PHF20: variants seen among roughly 807,000 people sequenced by gnomAD.
PHF20 encodes glioma-expressed antigen 2.
Under a neutral mutation model 113.5 loss-of-function variants are expected in PHF20, and 23 were observed. The ratio of observed to expected loss-of-function variants is 0.20; its 90% CI spans 0.15 to 0.29. The LOEUF (loss-of-function observed/expected upper bound fraction) is 0.29, where lower values mean the gene tolerates loss of function less well. Ranked by LOEUF, PHF20 falls within the 10% of genes least tolerant of loss-of-function variation. The pLI, the probability that PHF20 is intolerant of heterozygous loss-of-function variation, is 1.00. For synonymous variants in PHF20, 434 were observed against 457.3 expected, an observed-to-expected ratio of 0.95 and a Z score of 0.65; for missense variants, 943 against 1,219.6, an observed-to-expected ratio of 0.77 and a Z score of 3.38.
chr20:35,816,933 G>A (rs2042086415), intron 2 of PHF20, among the ~76,000 whole-genome samples: 1 of 151,512 alleles, frequency 6.6e-6, no homozygotes, highest in Admixed American at 6.6e-5. Context: ...TGGGATTACA[G>A]GCGTGCACCA....
intron 2 of PHF20, among the ~76,000 whole-genome samples, chr20:35,825,001 G>T (rs2042237043): frequency 6.6e-6 from 1 of 152,122 alleles, no homozygotes; most frequent in African/African-American, 2.4e-5. Flanking sequence ...GGTATTTACA[G>T]TGTTTCTTCT....
chr20:35,791,147 G>A (rs113012653), intron 1 of PHF20, among the ~76,000 whole-genome samples: 1,951 of 152,228 alleles, frequency 0.013, 28 homozygotes, highest in African/African-American at 0.044. Flanking sequence ...GTGAGCCACC[G>A]CGTCCGGCCT....
Position 35,887,019 on chromosome 20 carries a change from A to G in PHF20, c.1283-12351A>G, listed in dbSNP as rs150017355. On this transcript the variant is annotated intron_variant, in intron 9 of 17. Transcript: ENST00000374012. ...ATTGCCAGCCAGACGGAATATCACC[A>G]TCATCATAATCTAATCATAGTCATC... 4.2e-3 allele frequency among the ~76,000 whole-genome samples: 634 copies of G among 152,328 alleles called. 17 individuals are homozygous for G. In the South Asian group the frequency reaches 0.074, roughly 18 times the overall value.
chr20:35,931,568 TA>T (rs1449129728), intron 15 of PHF20, 124 bp downstream of exon 15: 1 of 634,522 alleles, frequency 1.6e-6, no homozygotes, highest in African/African-American at 1.8e-5. Context: ...AGACCTTTAC[TA>T]AAAATTATCA....
intron 9 of PHF20, among the ~76,000 whole-genome samples, chr20:35,885,164 A>G (rs1391445754): frequency 6.6e-6 from 1 of 152,058 alleles, no homozygotes; most frequent in Non-Finnish European, 1.5e-5. Context: ...TAGTTTTTGA[A>G]TTGTTTGAAA....
intron 13 of PHF20, among the ~76,000 whole-genome samples, chr20:35,920,222 T>C (rs2055486359): frequency 1.3e-5 from 2 of 152,252 alleles, no homozygotes; most frequent in African/African-American, 4.8e-5. Flanking sequence ...AATCACGTGG[T>C]ATGTATCTTT....
chr20:35,816,495 G>T (rs1397403830), intron 2 of PHF20, among the ~76,000 whole-genome samples: 3 of 150,316 alleles, frequency 2.0e-5, no homozygotes, highest in South Asian at 4.2e-4. Flanking sequence ...TGTCATCCAG[G>T]CTGGAGTGCA....
Position 35,931,309 on chromosome 20 carries a change from A to G in PHF20, c.2165A>G (p.His722Arg), listed in dbSNP as rs774801547. 1 of 1,614,100 alleles carries G rather than the reference A, an allele frequency of 6.2e-7. No homozygotes were observed. The highest frequency in any genetic ancestry group is 1.7e-5 in the Admixed American group (1 of 60,020). The change falls in exon 15 of 18, where the codon CAT (histidine) becomes CGT (arginine). Residue 722 changes from histidine to arginine, a missense_variant. Physicochemically the swap from His to Arg is conservative, Grantham distance 29 (BLOSUM62 0). Coordinates refer to ENST00000374012, the MANE Select transcript of PHF20 (RefSeq NM_016436.5). ...DKEWLSRGHM[H>R]GLAFLEENYS... ...GAGTGGCTGAGCAGGGGACATATGC[A>G]TGGCCTGGCATTTCTAGAAGAGAAC...
chr20:35,813,686 T>C (rs2042016044), intron 2 of PHF20, among the ~76,000 whole-genome samples: 1 of 152,048 alleles, frequency 6.6e-6, no homozygotes, highest in Admixed American at 6.6e-5. Flanking sequence ...AGTGAAACCC[T>C]GTCTCTACGA....
At chr20:35,938,061 G>A (rs929124375) in intron 15 of PHF20, among the ~76,000 whole-genome samples, 2 of 151,914 alleles carry the variant, frequency 1.3e-5, no homozygotes, top group Non-Finnish European at 2.9e-5. Flanking sequence ...TTTAGTAGAG[G>A]CGGGGTTTCA....
Position 35,912,496 on chromosome 20 carries a change from A to G in PHF20, c.1562-753A>G, listed in dbSNP as rs964522633. On this transcript the variant is annotated intron_variant, in intron 10 of 17. Transcript: ENST00000374012. ...GTTCATTTAAAAATAATTTTATGTT[A>G]TATGAATGGTACCTCAATTTTTAGA... Among the ~76,000 whole-genome samples, 5 of 152,286 alleles carry G rather than the reference A, an allele frequency of 3.3e-5. No individual in the cohort carries two copies. In the East Asian group the frequency reaches 9.6e-4, roughly 29 times the overall value.
chr20:35,849,391 A>T, intron 4 of PHF20: 2 of 469,224 alleles, frequency 4.3e-6, no homozygotes, highest in Non-Finnish European at 8.8e-6. Context: ...CATGAAGTAA[A>T]ACAAAAGAAG....
At chr20:35,804,587 G>GT (rs1442348889) in intron 2 of PHF20, among the ~76,000 whole-genome samples, 2 of 151,778 alleles carry the variant, frequency 1.3e-5, no homozygotes, top group Non-Finnish European at 2.9e-5. Flanking sequence ...GGCCAGGCTG[G>GT]TCTCAAATTT....
intron 10 of PHF20, among the ~76,000 whole-genome samples, chr20:35,902,219 A>T (rs933204491): frequency 6.6e-6 from 1 of 152,192 alleles, no homozygotes; most frequent in African/African-American, 2.4e-5. Flanking sequence ...TGTAGAAACA[A>T]CCAGCACTGA....
intron 6 of PHF20, among the ~76,000 whole-genome samples, chr20:35,866,006 C>T (rs1392297155): frequency 6.6e-6 from 1 of 151,596 alleles, no homozygotes; most frequent in African/African-American, 2.4e-5. Context: ...GTCAGGAGTT[C>T]GAGACCAGCC....
At chr20:35,804,831 G>A (rs1055716897) in intron 2 of PHF20, among the ~76,000 whole-genome samples, 2 of 152,048 alleles carry the variant, frequency 1.3e-5, no homozygotes, top group South Asian at 2.1e-4. Flanking sequence ...AGTAAGAAAT[G>A]TATTTTAAAT....
intron 2 of PHF20, among the ~76,000 whole-genome samples, chr20:35,829,081 G>T (rs2042312681): frequency 6.6e-6 from 1 of 152,100 alleles, no homozygotes; most frequent in Non-Finnish European, 1.5e-5. Flanking sequence ...TTCCTGACAG[G>T]TGGCCTCAGT....
chr20:35,823,451 A>C (rs2042207076), intron 2 of PHF20, among the ~76,000 whole-genome samples: 1 of 150,590 alleles, frequency 6.6e-6, no homozygotes, highest in Admixed American at 6.6e-5. Context: ...AAAAAAAAAA[A>C]AAACCATAAT....
chr20:35,939,449 C>T (rs1452481062), intron 16 of PHF20, among the ~76,000 whole-genome samples: 1 of 152,090 alleles, frequency 6.6e-6, no homozygotes, highest in Non-Finnish European at 1.5e-5. Flanking sequence ...ATAATTGCAC[C>T]TAGATGTTAA....
Sources: gnomAD v4.1 joint callset for allele counts (sites outside exome capture counted in the v4.1 genomes callset) on GRCh38, gnomAD v4.1.1 for gene constraint, MANE v1.5 for transcripts, NCBI Gene and HGNC (gene_info 2026-07-23, HGNC 2026-07-21) for gene names.